IL1RAPL1: variants seen among roughly 807,000 people sequenced by gnomAD.
The protein encoded by IL1RAPL1 is interleukin 1 receptor accessory protein like 1, also known as interleukin-1 receptor accessory protein-like 1.
A neutral mutation model predicts 48.4 loss-of-function variants in IL1RAPL1; 3 were observed. The ratio of observed to expected loss-of-function variants is 0.06; its 90% CI spans 0.03 to 0.16. The LOEUF is 0.16. Ranked by LOEUF, IL1RAPL1 falls within the 10% of genes least tolerant of loss-of-function variation. The probability of loss-of-function intolerance (pLI) is 1.00; values close to 1 mark genes in which losing one functional copy is unlikely to be tolerated. For synonymous variants in IL1RAPL1, 185 were observed against 187.7 expected, an observed-to-expected ratio of 0.99 and a Z score of 0.12; for missense variants, 349 against 530.6, an observed-to-expected ratio of 0.66 and a Z score of 3.36.
chrX:29,746,952 AC>A (rs887343147), intron 6 of IL1RAPL1, among the ~76,000 whole-genome samples: 4 of 112,560 alleles, frequency 3.6e-5, no homozygotes, highest in African/African-American at 9.7e-5. Flanking sequence ...ATTAAAAAAA[AC>A]AAAACAATAA....
At chrX:29,839,053 C>G (rs1346054555) in intron 6 of IL1RAPL1, among the ~76,000 whole-genome samples, 3 of 112,418 alleles carry the variant, frequency 2.7e-5, no homozygotes, top group African/African-American at 9.7e-5. Context: ...ATGCAAGTCT[C>G]TGCTATTGTT....
At chrX:28,826,092 G>A (rs1431594414) in intron 2 of IL1RAPL1, among the ~76,000 whole-genome samples, 1 of 111,755 alleles carries the variant, frequency 8.9e-6, no homozygotes, top group Non-Finnish European at 1.9e-5. Flanking sequence ...GCAAAGTTCT[G>A]TAATAGGCTT....
At chrX:28,814,433 T>C (rs1936836147) in intron 2 of IL1RAPL1, among the ~76,000 whole-genome samples, 1 of 108,836 alleles carries the variant, frequency 9.2e-6, no homozygotes, top group African/African-American at 3.3e-5. Context: ...CAAGTTTTGC[T>C]TGTTTCACTA....
At position 28,779,628 on chromosome X, in the gene IL1RAPL1, GTGTGTGTA is replaced by G. The variant is rs1370153697; in HGVS notation, c.-24-9690_-24-9683del. 6.5e-3 allele frequency among the ~76,000 whole-genome samples: 365 copies of G among 56,088 alleles called. 2 individuals are homozygous for G. The highest frequency in any genetic ancestry group is 0.024 in the African/African-American group (332 of 13,704). 48.7% of individuals were successfully genotyped at this position (56,088 alleles called of 115,157 possible). Reference sequence around the variant, plus strand: ...CAGAGTGATACTATTATGTGTGTGTGTGTGTGTATATATATATATATATATATATATAT... The same window carrying G: ...CAGAGTGATACTATTATGTGTGTGTGTATATATATATATATATATATATAT... On this transcript the variant is annotated intron_variant, in intron 1 of 10. Transcript: ENST00000378993.
chrX:29,799,564 T>C (rs1481263406), intron 6 of IL1RAPL1, among the ~76,000 whole-genome samples: 1 of 112,546 alleles, frequency 8.9e-6, no homozygotes, highest in African/African-American at 3.2e-5. Flanking sequence ...AAGAGCATAA[T>C]ACATTTAGAA....
At chrX:29,106,945 G>A (rs1367459008) in intron 2 of IL1RAPL1, among the ~76,000 whole-genome samples, 1 of 111,348 alleles carries the variant, frequency 9.0e-6, no homozygotes, top group Admixed American at 9.6e-5. Context: ...GAGGGGAAAT[G>A]GGCCCCATAA....
chrX:28,594,259 G>T (rs1380674666), intron 1 of IL1RAPL1, among the ~76,000 whole-genome samples: 2 of 111,662 alleles, frequency 1.8e-5, no homozygotes, highest in African/African-American at 6.5e-5. Context: ...TTGAATTTCG[G>T]TATAGATGGA....
intron 2 of IL1RAPL1, among the ~76,000 whole-genome samples, chrX:28,822,381 G>T (rs1434772571): frequency 9.0e-6 from 1 of 111,446 alleles, no homozygotes; most frequent in African/African-American, 3.3e-5. Context: ...AGGAATAAGT[G>T]ACTCAGACCT....
At chrX:29,255,740 T>G (rs1186357589) in intron 2 of IL1RAPL1, among the ~76,000 whole-genome samples, 1 of 111,261 alleles carries the variant, frequency 9.0e-6, no homozygotes, top group Non-Finnish European at 1.9e-5. Flanking sequence ...ATTAATTCGC[T>G]TAGGTGATGG....
chrX:29,623,995 A>G (rs6526911), intron 5 of IL1RAPL1, among the ~76,000 whole-genome samples: 33,348 of 110,978 alleles, frequency 0.3, 3,767 homozygotes, highest in South Asian at 0.46. Context: ...ACTGGCATGT[A>G]AGTCAGGTTT....
intron 1 of IL1RAPL1, among the ~76,000 whole-genome samples, chrX:28,682,306 G>GT (rs902319310): frequency 2.7e-5 from 3 of 109,543 alleles, no homozygotes; most frequent in South Asian, 3.9e-4. Context: ...GTTTTTGTTT[G>GT]TTTTTTTGTT....
At chrX:29,052,285 T>A (rs1036516788) in intron 2 of IL1RAPL1, among the ~76,000 whole-genome samples, 4 of 111,224 alleles carry the variant, frequency 3.6e-5, no homozygotes, top group African/African-American at 1.3e-4. Context: ...TCTTGGGGTT[T>A]AACTCCTTCC....
In IL1RAPL1 at chrX:29,585,409, A is replaced by G. The variant is rs772582817; in HGVS notation, c.704-83021A>G. Among the ~76,000 whole-genome samples, 47 of 112,344 alleles carry G rather than the reference A, an allele frequency of 4.2e-4. 1 individual carries two copies. Among genetic ancestry groups the G allele is most frequent in the Non-Finnish European group, 7.7e-4 (41 of 53,259 alleles). On this transcript the variant is annotated intron_variant, in intron 5 of 10. Transcript: ENST00000378993. ...AAGGTGTATTCCATTGTATATATGT[A>G]TCACATCCTCTTTATCCATTCATCT...
At chrX:29,668,583 T>C (rs1926062034) in intron 6 of IL1RAPL1, 79 bp downstream of exon 6, 1 of 708,479 alleles carries the variant, frequency 1.4e-6, no homozygotes, top group Non-Finnish European at 2.2e-6. Flanking sequence ...TGTAACCCGA[T>C]GTAATACTCG....
chrX:28,749,245 G>A (rs1351806953), intron 1 of IL1RAPL1, among the ~76,000 whole-genome samples: 7 of 111,834 alleles, frequency 6.3e-5, no homozygotes, highest in Non-Finnish European at 1.3e-4. Context: ...TCTCTTTGAC[G>A]TACTCATTTC....
At chrX:29,171,596 T>C (rs1979172849) in intron 2 of IL1RAPL1, among the ~76,000 whole-genome samples, 1 of 111,920 alleles carries the variant, frequency 8.9e-6, no homozygotes, top group South Asian at 3.7e-4. Flanking sequence ...AAAAGATATT[T>C]CTCAAAACAG....
intron 2 of IL1RAPL1, among the ~76,000 whole-genome samples, chrX:29,088,600 C>G (rs141191188): frequency 2.0e-5 from 2 of 101,585 alleles, no homozygotes; most frequent in African/African-American, 7.4e-5. Flanking sequence ...TGCTTGAACC[C>G]AGGAGGCGGA....
At chrX:28,870,029 A>G (rs1489452025) in intron 2 of IL1RAPL1, among the ~76,000 whole-genome samples, 2 of 111,766 alleles carry the variant, frequency 1.8e-5, no homozygotes, top group African/African-American at 6.5e-5. Flanking sequence ...TATAGCATGT[A>G]TCACTACTTT....
intron 2 of IL1RAPL1, among the ~76,000 whole-genome samples, chrX:28,961,844 A>G (rs752793962): frequency 1.7e-4 from 19 of 111,506 alleles, no homozygotes; most frequent in Admixed American, 4.8e-4. Context: ...CAAAATTGCC[A>G]CTCTTTGAGA....
Sources: allele counts gnomAD v4.1 joint callset (sites outside exome capture counted in the v4.1 genomes callset), GRCh38; gene constraint gnomAD v4.1.1; transcripts MANE v1.5; gene names NCBI Gene and HGNC (gene_info 2026-07-23, HGNC 2026-07-21).